Variants in DOCK9 observed in about 807,000 individuals in gnomAD.
DOCK9 encodes dedicator of cytokinesis protein 9.
DOCK9 carries 89 observed loss-of-function variants against 263.3 expected under a neutral mutation model. That is an observed-to-expected ratio of 0.34 (90% CI 0.28 to 0.40). The LOEUF (loss-of-function observed/expected upper bound fraction) is 0.40. Ranked by LOEUF, DOCK9 falls within the 10% of genes least tolerant of loss-of-function variation. DOCK9 has a pLI of 1.00. For missense variants in DOCK9, 2,140 were observed against 2,603.4 expected (o/e 0.82, Z 3.87); for synonymous variants, 976 against 973.1 (o/e 1.00, Z -0.06).
chr13:98,824,070 A>G (rs1309655644), intron 45 of DOCK9, among the ~76,000 whole-genome samples: 1 of 152,254 alleles, frequency 6.6e-6, no homozygotes, highest in African/African-American at 2.4e-5. Flanking sequence ...CTCATGAGCC[A>G]GAGAAATTAA....
intron 1 of DOCK9, among the ~76,000 whole-genome samples, chr13:98,956,978 G>A (rs1182596077): frequency 6.6e-6 from 1 of 152,122 alleles, no homozygotes; most frequent in South Asian, 2.1e-4. Context: ...TCCAATACAG[G>A]TGGACCACAT....
At chr13:98,956,400 T>G (rs928705164) in intron 1 of DOCK9, among the ~76,000 whole-genome samples, 2 of 152,194 alleles carry the variant, frequency 1.3e-5, no homozygotes, top group Admixed American at 6.5e-5. Context: ...TTCAACTAAC[T>G]ATACTACAGT....
chr13:99,079,774 T>C (rs2042053788), intron 1 of DOCK9, among the ~76,000 whole-genome samples: 1 of 152,044 alleles, frequency 6.6e-6, no homozygotes, highest in African/African-American at 2.4e-5. Flanking sequence ...GCGTGGTGGC[T>C]CATGCCTGTA....
intron 1 of DOCK9, among the ~76,000 whole-genome samples, chr13:99,056,979 G>A (rs550418723): frequency 6.6e-6 from 1 of 152,226 alleles, no homozygotes; most frequent in African/African-American, 2.4e-5. Context: ...CAGCCTGAGA[G>A]AAGGACCAGT....
chr13:98,810,975 G>A (rs1247990803), intron 45 of DOCK9, among the ~76,000 whole-genome samples: 1 of 152,200 alleles, frequency 6.6e-6, no homozygotes, highest in Non-Finnish European at 1.5e-5. Context: ...ACCCCAGCTT[G>A]GAATTCTAAG....
chr13:98,872,539 C>T (rs56197408), intron 27 of DOCK9, among the ~76,000 whole-genome samples: 5,215 of 152,078 alleles, frequency 0.034, 144 homozygotes, highest in Middle Eastern at 0.095. Flanking sequence ...CCTGAGTAGC[C>T]GGGATAACAG....
At chr13:99,041,026 A>G (rs1044206571) in intron 1 of DOCK9, among the ~76,000 whole-genome samples, 2 of 152,180 alleles carry the variant, frequency 1.3e-5, no homozygotes, top group African/African-American at 4.8e-5. Context: ...TCATCAGTCA[A>G]CAGTGTGGAG....
intron 9 of DOCK9, among the ~76,000 whole-genome samples, chr13:98,912,019 G>A (rs1284189617): frequency 6.6e-6 from 1 of 151,408 alleles, no homozygotes; most frequent in Non-Finnish European, 1.5e-5. Context: ...ACAGGCACCT[G>A]CCACCACGCC....
chr13:99,080,639 G>GA, intron 1 of DOCK9, among the ~76,000 whole-genome samples: 1 of 151,884 alleles, frequency 6.6e-6, no homozygotes, highest in East Asian at 1.9e-4. Flanking sequence ...TTCTTTCCTA[G>GA]AAAAAAAGGA....
At chr13:98,832,043 C>T (rs2092785897) in intron 39 of DOCK9, 1 of 409,182 alleles carries the variant, frequency 2.4e-6, no homozygotes, top group Non-Finnish European at 4.3e-6. Flanking sequence ...ACTGACTGGG[C>T]TTCTATTTAT....
At chr13:98,907,408 T>C (rs1466810626) in intron 9 of DOCK9, among the ~76,000 whole-genome samples, 1 of 152,222 alleles carries the variant, frequency 6.6e-6, no homozygotes, top group Non-Finnish European at 1.5e-5. Flanking sequence ...CTGACTATGC[T>C]AGGAGATAAG....
In DOCK9 at chr13:98,903,101, G is replaced by A; in HGVS notation, c.1047C>T (p.Phe349=). Residue 349 remains phenylalanine (F), a synonymous_variant, in exon 11 of 53, where the codon TTC becomes TTT. Coordinates refer to ENST00000682017, the MANE Select transcript of DOCK9 (RefSeq NM_001366683.2). ...YLDPDAQKLD[F]SSAEPEVKSF... is the part of the protein sequence containing the mutation. The stretch of plus-strand genomic sequence containing the variant: ...ACTTCACTTCTGGCTCAGCTGATGA[G>A]AAGTCAAGCTTCTTTAAAAGAAAAT... 6.6e-7 allele frequency: 1 copy of A among 1,507,308 alleles called. No individual in the cohort carries two copies. The highest frequency in any genetic ancestry group is 8.8e-7 in the Non-Finnish European group (1 of 1,133,406). 93.4% of individuals were successfully genotyped at this position (1,507,308 alleles called of 1,614,324 possible).
At chr13:98,810,107 C>G (rs532734028) in intron 46 of DOCK9, 62 bp downstream of exon 46, 100 of 1,605,358 alleles carry the variant, frequency 6.2e-5, no homozygotes, top group Non-Finnish European at 8.3e-5. Context: ...ATATGCAGGT[C>G]TGGGTATATG....
chr13:98,981,353 G>T (rs1877157469), upstream of DOCK9, among the ~76,000 whole-genome samples: 2 of 152,148 alleles, frequency 1.3e-5, no homozygotes, highest in South Asian at 2.1e-4. Flanking sequence ...TACCATGCCT[G>T]GCCCAAGCAA....
At chr13:98,820,156 C>T (rs561087707) in intron 45 of DOCK9, among the ~76,000 whole-genome samples, 2 of 152,342 alleles carry the variant, frequency 1.3e-5, no homozygotes, top group East Asian at 3.9e-4. Context: ...TCAATACCTA[C>T]ACTTGTTTTA....
rs137928632 is a variant in DOCK9 at position 98,821,266 on chromosome 13, G to A, written c.5130+3132C>T. The stretch of plus-strand genomic sequence containing the variant: ...GCCCCAGTAGGAGGCTGGGGGGCAG[G>A]AGGAGAGTGAGGTGGGCAGTTACTC... On this transcript the variant is annotated intron_variant, in intron 45 of 52. Coordinates refer to ENST00000682017, the MANE Select transcript of DOCK9 (RefSeq NM_001366683.2). 2.9e-3 allele frequency among the ~76,000 whole-genome samples: 441 copies of A among 152,254 alleles called. 4 individuals carry two copies. Among genetic ancestry groups the A allele is most frequent in the African/African-American group, 9.7e-3 (405 of 41,564 alleles).
At chr13:98,795,850 C>T (rs1268461841) in intron 52 of DOCK9, among the ~76,000 whole-genome samples, 1 of 151,930 alleles carries the variant, frequency 6.6e-6, no homozygotes, top group Non-Finnish European at 1.5e-5. Flanking sequence ...CCTCCACCTC[C>T]TGGGTTCCAG....
At chr13:99,051,832 T>A (rs1193103781) in intron 1 of DOCK9, among the ~76,000 whole-genome samples, 1 of 99,394 alleles carries the variant, frequency 1.0e-5, no homozygotes, top group African/African-American at 3.9e-5. Context: ...AGTTTGCAGC[T>A]AAAGAACATG....
At position 98,809,443 on chromosome 13, in the gene DOCK9, G is replaced by A. The variant is rs546418845; in HGVS notation, c.5276C>T (p.Thr1759Met). 2.8e-5 allele frequency: 45 copies of A among 1,608,432 alleles called. No individual in the cohort carries two copies. The highest frequency in any genetic ancestry group is 3.4e-5 in the Non-Finnish European group (40 of 1,178,176). The change falls in exon 47 of 53, where the codon ACG becomes ATG. Residue 1759 changes from threonine to methionine, a missense_variant. By Grantham distance (81) the Thr-to-Met change is moderately conservative. Transcript: ENST00000682017. The part of the protein sequence containing the change: ...DFERLAHLYD[T>M]LHRAYSKVTE... ...CACTTTGCTGTAGGCCCGGTGCAGC[G>A]TGTCATACAGATGGGCCAGCCTCTG...
Sources: allele counts gnomAD v4.1 joint callset (sites outside exome capture counted in the v4.1 genomes callset), GRCh38; gene constraint gnomAD v4.1.1; transcripts MANE v1.5; gene names NCBI Gene and HGNC (gene_info 2026-07-23, HGNC 2026-07-21).